The following FGL1 variants were observed in gnomAD, a reference collection of about 807,000 sequenced individuals.
FGL1 encodes fibrinogen like 1, also known as fibrinogen-like protein 1.
A neutral mutation model predicts 43.7 loss-of-function variants in FGL1; 59 were observed. The ratio of observed to expected loss-of-function variants is 1.35; its 90% CI spans 1.10 to 1.68. The LOEUF is 1.68. Ranked by LOEUF, FGL1 falls within the 40% of genes most tolerant of loss-of-function variation. The probability of loss-of-function intolerance (pLI) is 0.00; values close to 1 mark genes in which losing one functional copy is unlikely to be tolerated. For synonymous variants in FGL1, 192 were observed against 126.5 expected, an observed-to-expected ratio of 1.52 and a Z score of -3.48; for missense variants, 596 against 373.0, an observed-to-expected ratio of 1.60 and a Z score of -4.92.
At chr8:17,874,156 A>G (rs1157598767) in intron 4 of FGL1, 40 bp from the exon 5 acceptor site, 5 of 1,543,308 alleles carry the variant, frequency 3.2e-6, no homozygotes, top group East Asian at 2.2e-5. Flanking sequence ...AGCAAACTCC[A>G]TTTGTGGTAC....
chr8:17,885,474 T>A lies in FGL1; in HGVS notation c.63+18A>T. The A allele has an allele frequency of 6.3e-7, 1 of 1,588,792 alleles. No homozygotes were observed. The highest frequency in any genetic ancestry group is 1.1e-5 in the South Asian group (1 of 89,454). ...GCAGGCATTATAAATATGACAATAG[T>A]TTTCCCAAGAAGCTTACCGAAATTT... On this transcript the variant is annotated intron_variant, in intron 2 of 7. Transcript: ENST00000427924.
chr8:17,872,853 G>A (rs986867135), intron 5 of FGL1, among the ~76,000 whole-genome samples: 45 of 152,270 alleles, frequency 3.0e-4, no homozygotes, highest in Non-Finnish European at 4.3e-4. Flanking sequence ...TATATAGGGA[G>A]ACATCCAGAT....
chr8:17,894,439 T>A (rs1238943150), intron 1 of FGL1, among the ~76,000 whole-genome samples: 1 of 147,238 alleles, frequency 6.8e-6, no homozygotes, highest in Admixed American at 6.7e-5. Context: ...ATAACTGTGC[T>A]TTTGTATTTT....
rs774728873 is a variant in FGL1 at position 17,878,493 on chromosome 8, A to G, written c.244+3506T>C. 2.0e-5 allele frequency among the ~76,000 whole-genome samples: 3 copies of G among 152,144 alleles called. 1 individual carries two copies. In the South Asian group the frequency reaches 6.2e-4, roughly 31 times the overall value. ...ACTGGGGGCTCCTGAAGAAGGGGAG[A>G]TGCTGGAGCCAGTGGTGTTGTCAAG... On this transcript the variant is annotated intron_variant, in intron 3 of 7. Coordinates refer to ENST00000427924, the MANE Select transcript of FGL1 (RefSeq NM_004467.4).
chr8:17,886,649 T>G (rs941544093), intron 1 of FGL1, among the ~76,000 whole-genome samples: 1 of 151,866 alleles, frequency 6.6e-6, no homozygotes, highest in South Asian at 2.1e-4. Context: ...TCCCAGCCAC[T>G]CGGGAGGCTG....
In FGL1 at chr8:17,864,566, C is replaced by T. The variant is rs1027564755; in HGVS notation, c.*26G>A. ...AATCACTTTAAACAAAGCTGAATTG[C>T]AGAAACGAAAGCCCAACAGCAGCAA... On this transcript the variant is annotated 3_prime_UTR_variant, in exon 8 of 8. Coordinates refer to ENST00000427924, the MANE Select transcript of FGL1 (RefSeq NM_004467.4). 2 of 1,588,498 alleles carry T rather than the reference C, an allele frequency of 1.3e-6. No homozygotes were observed. Among genetic ancestry groups the T allele is most frequent in the African/African-American group, 2.7e-5 (2 of 73,786 alleles).
At chr8:17,885,795 A>G (rs2053619378) in intron 1 of FGL1, 2 of 482,086 alleles carry the variant, frequency 4.1e-6, no homozygotes, top group Non-Finnish European at 3.7e-6. Flanking sequence ...CAGAGGAAGG[A>G]CTCTGGTTCT....
At chr8:17,885,672 G>C (rs1290932447) in intron 1 of FGL1, 101 bp from the exon 2 acceptor site, 2 of 888,048 alleles carry the variant, frequency 2.3e-6, no homozygotes, top group African/African-American at 3.4e-5. Context: ...TGCAGCCGCA[G>C]GCCATCCCTA....
intron 3 of FGL1, among the ~76,000 whole-genome samples, chr8:17,875,606 T>TTTC (rs1292042915): frequency 1.4e-5 from 2 of 146,948 alleles, no homozygotes; most frequent in African/African-American, 5.1e-5. Flanking sequence ...TCTTTCTTTC[T>TTTC]TTCTTTCTTT....
intron 7 of FGL1, among the ~76,000 whole-genome samples, chr8:17,865,300 C>G (rs1051013195): frequency 6.6e-6 from 1 of 152,196 alleles, no homozygotes; most frequent in Admixed American, 6.5e-5. Context: ...TTAACAAGAG[C>G]TAAGGTGAGT....
At chr8:17,885,708 C>T (rs1418176755) in intron 1 of FGL1, 137 bp from the exon 2 acceptor site, 2 of 623,220 alleles carry the variant, frequency 3.2e-6, no homozygotes, top group Non-Finnish European at 5.6e-6. Context: ...AGGAAATTCT[C>T]CCAGACTTTC....
intron 1 of FGL1, among the ~76,000 whole-genome samples, chr8:17,889,874 T>C (rs2053680723): frequency 1.3e-5 from 2 of 152,190 alleles, no homozygotes; most frequent in Non-Finnish European, 2.9e-5. Flanking sequence ...CACTTGAAAA[T>C]CATTATAACC....
rs1242871415 is a variant in FGL1 at position 17,883,915 on chromosome 8, C to T, written c.63+1577G>A. 5.5e-5 allele frequency among the ~76,000 whole-genome samples: 8 copies of T among 145,316 alleles called. No individual in the cohort carries two copies. In the East Asian group the frequency reaches 1.6e-3, roughly 29 times the overall value. The stretch of plus-strand genomic sequence containing the variant: ...CTTTTTCTTTTCTTTTGTTCTTTTC[C>T]TCTCTTTCTCCTTCCCTCCTTCCCT... On this transcript the variant is annotated intron_variant, in intron 2 of 7. Coordinates refer to ENST00000427924, the MANE Select transcript of FGL1 (RefSeq NM_004467.4).
chr8:17,873,659 AAT>A (rs1295706284), intron 5 of FGL1, among the ~76,000 whole-genome samples: 1 of 148,226 alleles, frequency 6.7e-6, no homozygotes, highest in Non-Finnish European at 1.5e-5. Flanking sequence ...TCAGAAGTAG[AAT>A]ATATATATAT....
rs2053436900 is a variant in FGL1, at chr8:17,875,533, T to TCTC, written c.245-1013_245-1012insGAG. 1.3e-3 allele frequency among the ~76,000 whole-genome samples: 16 copies of TCTC among 11,886 alleles called. 4 individuals are homozygous for TCTC. The highest frequency in any genetic ancestry group is 3.7e-3 in the African/African-American group (16 of 4,332). 7.8% of individuals were successfully genotyped at this position (11,886 alleles called of 152,430 possible). A position where few individuals can be genotyped will look rare whatever the true frequency, so the allele number is the denominator to read the frequency against. On this transcript the variant is annotated intron_variant, in intron 3 of 7. Coordinates refer to ENST00000427924, the MANE Select transcript of FGL1 (RefSeq NM_004467.4). ...TTTCTTTCTTTCTTTCTTTCTTTCT[T>TCTC]TCTCTTTCTTTCTTTCTTTCTTTCT...
At chr8:17,887,043 T>G (rs2053638901) in intron 1 of FGL1, among the ~76,000 whole-genome samples, 1 of 152,110 alleles carries the variant, frequency 6.6e-6, no homozygotes, top group Non-Finnish European at 1.5e-5. Flanking sequence ...CTATTAAGAT[T>G]GCCCAGAGAT....
At chr8:17,869,557 A>G (rs942404114) in intron 5 of FGL1, among the ~76,000 whole-genome samples, 8 of 152,224 alleles carry the variant, frequency 5.3e-5, no homozygotes, top group Non-Finnish European at 1.0e-4. Context: ...AGGAAGAAAT[A>G]TGAATCCTAA....
rs1364167065 is a variant in FGL1 at position 17,868,909 on chromosome 8, G to A, written c.591+7C>T. 6.3e-7 allele frequency: 1 copy of A among 1,582,488 alleles called. No homozygotes were observed. Among genetic ancestry groups the A allele is most frequent in the Admixed American group, 1.8e-5 (1 of 54,284 alleles). On this transcript the variant is annotated splice_region_variant and intron_variant, in intron 6 of 7. Transcript: ENST00000427924. ...TCACGGTTTTACTTCTTAGAAAATT[G>A]TAGTACCTTTTCATCTCCAACTTTG...
At chr8:17,885,613 A>G (rs768548660) in intron 1 of FGL1, 42 bp from the exon 2 acceptor site, 103 of 1,556,410 alleles carry the variant, frequency 6.6e-5, no homozygotes, top group Non-Finnish European at 5.9e-5. Context: ...TCAACCTTGA[A>G]TTTTTCATGA....
Sources: allele counts gnomAD v4.1 joint callset (sites outside exome capture counted in the v4.1 genomes callset), GRCh38; gene constraint gnomAD v4.1.1; transcripts MANE v1.5; gene names NCBI Gene and HGNC (gene_info 2026-07-23, HGNC 2026-07-21).